PAQR8: variants seen among roughly 807,000 people sequenced by gnomAD.
PAQR8 encodes progestin and adipoQ receptor family member 8.
Under a neutral mutation model 25.2 loss-of-function variants are expected in PAQR8, and 17 were observed. The ratio of observed to expected loss-of-function variants is 0.67; its 90% confidence interval spans 0.46 to 1.01. PAQR8 has a LOEUF of 1.01. PAQR8 is among the 50% of genes least tolerant of loss of function. PAQR8 has a pLI of 0.00. For missense variants in PAQR8, 392 were observed against 448.4 expected, an observed-to-expected ratio of 0.87 and a Z score of 1.14; for synonymous variants, 204 against 190.6, an observed-to-expected ratio of 1.07 and a Z score of -0.58.
rs572487375 is a variant in PAQR8, at chr6:52,362,972, C to T, written c.-53+723C>T. Among the ~76,000 whole-genome samples the T allele has an allele frequency of 1.6e-3, 249 of 152,034 alleles. 2 individuals are homozygous for T. The highest frequency in any genetic ancestry group is 5.5e-3 in the African/African-American group (230 of 41,456). On this transcript the variant is annotated intron_variant, in intron 1 of 1. Coordinates refer to ENST00000442253, the MANE Select transcript of PAQR8 (RefSeq NM_133367.5). The surrounding 1 kb of genome is among the most constrained non-coding windows in gnomAD (Gnocchi z 4.1). ...CTGGGGCTTGGCTGGATGGGAACGC[C>T]GCGGTGGGGTGTCGGAGGTGGCTGG...
At chr6:52,364,282 A>G (rs928230508) in intron 1 of PAQR8, among the ~76,000 whole-genome samples, 1 of 152,022 alleles carries the variant, frequency 6.6e-6, no homozygotes, top group Non-Finnish European at 1.5e-5. Flanking sequence ...ACAGGATAGA[A>G]AGCGATTTAT....
intron 1 of PAQR8, among the ~76,000 whole-genome samples, chr6:52,391,337 T>C (rs1763707005): frequency 6.6e-6 from 1 of 152,246 alleles, no homozygotes; most frequent in South Asian, 2.1e-4. Context: ...GTTATTTTAA[T>C]AAGTGCATAG....
At chr6:52,364,090 T>TTTTTTTTTG (rs1763324471) in intron 1 of PAQR8, among the ~76,000 whole-genome samples, 1 of 143,762 alleles carries the variant, frequency 7.0e-6, no homozygotes, top group Non-Finnish European at 1.5e-5. Flanking sequence ...TATGTTTTTT[T>TTTTTTTTTG]TTTTTTTTTT....
chr6:52,392,661 A>G lies in PAQR8; in HGVS notation c.-52-10501A>G, dbSNP rs573971848. On this transcript the variant is annotated intron_variant, in intron 1 of 1. Transcript: ENST00000442253. ...TAGCAGATTTAGTGATCTCATTGTC[A>G]TTGTGCTTTCCATTAGTAGGCTGAT... is the stretch of plus-strand genomic sequence containing the variant. 1.4e-3 allele frequency among the ~76,000 whole-genome samples: 210 copies of G among 152,320 alleles called. 1 individual carries two copies. Among genetic ancestry groups the G allele is most frequent in the African/African-American group, 4.7e-3 (196 of 41,560 alleles).
chr6:52,387,730 G>C (rs559134842), intron 1 of PAQR8, among the ~76,000 whole-genome samples: 115 of 152,344 alleles, frequency 7.5e-4, no homozygotes, highest in Non-Finnish European at 1.2e-3. Flanking sequence ...CCCAGTACCT[G>C]TCTGTGGCCT....
At position 52,403,638 on chromosome 6, in the gene PAQR8, CCTT is replaced by C; in HGVS notation, c.428_430del (p.Phe143del). 3.7e-6 allele frequency: 6 copies of C among 1,614,170 alleles called. No homozygotes were observed. Among genetic ancestry groups the C allele is most frequent in the African/African-American group, 1.3e-5 (1 of 75,072 alleles). ...TCCAAGTCAGAGCTCTCCCACTACACCTTCTACTTTGTGGACTATGTTGGCGTG... is the reference window on the plus strand; with the variant it reads ...TCCAAGTCAGAGCTCTCCCACTACACCTACTTTGTGGACTATGTTGGCGTG... On this transcript the variant is annotated inframe_deletion, in exon 2 of 2. Transcript: ENST00000442253.
chr6:52,397,693 G>T (rs76152200), intron 1 of PAQR8, among the ~76,000 whole-genome samples: 6,304 of 152,262 alleles, frequency 0.041, 222 homozygotes, highest in East Asian at 0.15. Flanking sequence ...TCTTGAGGAA[G>T]ATTTAAATTT....
At chr6:52,369,844 A>G (rs944777672) in intron 1 of PAQR8, among the ~76,000 whole-genome samples, 8 of 152,202 alleles carry the variant, frequency 5.3e-5, no homozygotes, top group African/African-American at 1.2e-4. Context: ...AGTCATTACT[A>G]TTATTCCCTT....
chr6:52,384,737 G>C (rs1196470215), intron 1 of PAQR8, among the ~76,000 whole-genome samples: 1 of 152,066 alleles, frequency 6.6e-6, no homozygotes, highest in Non-Finnish European at 1.5e-5. Flanking sequence ...AAAGCCAGAG[G>C]CATCACATTA....
At chr6:52,380,006 C>T (rs1277390466) in intron 1 of PAQR8, among the ~76,000 whole-genome samples, 3 of 152,318 alleles carry the variant, frequency 2.0e-5, no homozygotes, top group African/African-American at 7.2e-5. Context: ...TGAGATCCAC[C>T]TGCCTTGGCC....
rs1399991105 is a variant in PAQR8 at position 52,406,848 on chromosome 6, C to T, written c.*2570C>T. On this transcript the variant is annotated 3_prime_UTR_variant, in exon 2 of 2. Coordinates refer to ENST00000442253, the MANE Select transcript of PAQR8 (RefSeq NM_133367.5). ...AAAGTGTTGGGATTACAGACATTAGCCATCACGCCTGCCCTAGAAACAGTT... is the reference window on the plus strand; with the variant it reads ...AAAGTGTTGGGATTACAGACATTAGTCATCACGCCTGCCCTAGAAACAGTT... The T allele has an allele frequency of 3.2e-6, 1 of 311,344 alleles. No individual in the cohort carries two copies. Among genetic ancestry groups the T allele is most frequent in the Non-Finnish European group, 6.1e-6 (1 of 163,010 alleles). 19.3% of individuals were successfully genotyped at this position (311,344 alleles called of 1,614,324 possible).
intron 1 of PAQR8, among the ~76,000 whole-genome samples, chr6:52,397,280 G>GCTCAC (rs1763777700): frequency 6.6e-6 from 1 of 152,020 alleles, no homozygotes; most frequent in Non-Finnish European, 1.5e-5. Context: ...TAGCCCCTCT[G>GCTCAC]CTCACAGACC....
chr6:52,373,060 C>T (rs904136803), intron 1 of PAQR8, among the ~76,000 whole-genome samples: 34 of 152,290 alleles, frequency 2.2e-4, no homozygotes, highest in African/African-American at 7.7e-4. Flanking sequence ...CTACCAGACC[C>T]CACTGTTGTA....
At chr6:52,399,533 G>T (rs956170052) in intron 1 of PAQR8, among the ~76,000 whole-genome samples, 1 of 152,204 alleles carries the variant, frequency 6.6e-6, no homozygotes, top group Non-Finnish European at 1.5e-5. Flanking sequence ...TAGGAATTGT[G>T]TGGTTATATA....
intron 1 of PAQR8, among the ~76,000 whole-genome samples, chr6:52,370,076 T>G (rs912371646): frequency 1.8e-5 from 2 of 109,696 alleles, no homozygotes; most frequent in Non-Finnish European, 3.9e-5. Context: ...TTGCATGGGT[T>G]TTTTTTTTTC....
Position 52,403,549 on chromosome 6 carries a change from G to A in PAQR8, c.336G>A (p.Leu112=). The change falls in exon 2 of 2, where the codon CTG becomes CTA. Residue 112 remains leucine, a synonymous_variant. Coordinates refer to ENST00000442253, the MANE Select transcript of PAQR8 (RefSeq NM_133367.5). ...GGGCGTCTACCCACTCCCTGCCTCT[G>A]CTCCTCTTCATCCTGTCGTCAATCA... The part of the protein sequence containing the change: ...LPWASTHSLP[L]LLFILSSITY... 1 of 1,614,050 alleles carries A rather than the reference G, an allele frequency of 6.2e-7. No homozygotes were observed. The highest frequency in any genetic ancestry group is 8.5e-7 in the Non-Finnish European group (1 of 1,180,042).
intron 1 of PAQR8, among the ~76,000 whole-genome samples, chr6:52,364,091 T>TTTTTTTTTG (rs1554254741): frequency 6.9e-6 from 1 of 144,130 alleles, no homozygotes; most frequent in African/African-American, 2.6e-5. Context: ...ATGTTTTTTT[T>TTTTTTTTTG]TTTTTTTTTT....
intron 1 of PAQR8, among the ~76,000 whole-genome samples, chr6:52,377,763 T>G (rs1581790732): frequency 9.0e-6 from 1 of 111,514 alleles, no homozygotes; most frequent in East Asian, 2.8e-4. Context: ...TAACTTCCCC[T>G]TTAAGTTTTG....
chr6:52,380,504 T>C (rs1464235874), intron 1 of PAQR8, among the ~76,000 whole-genome samples: 3 of 152,246 alleles, frequency 2.0e-5, no homozygotes, highest in Non-Finnish European at 4.4e-5. Flanking sequence ...CAAATGGTTA[T>C]TCTTATATGT....
Sources: allele counts gnomAD v4.1 joint callset (sites outside exome capture counted in the v4.1 genomes callset), GRCh38; gene constraint gnomAD v4.1.1; non-coding constraint Gnocchi (gnomAD v3.1); transcripts MANE v1.5; gene names NCBI Gene and HGNC (gene_info 2026-07-23, HGNC 2026-07-21).